The following ANKRD44 variants were observed in gnomAD, a reference collection of about 807,000 sequenced individuals.
ANKRD44 encodes ankyrin repeat domain 44.
Under a neutral mutation model 116.0 loss-of-function variants are expected in ANKRD44, and 35 were observed. The observed-to-expected ratio is 0.30, with a 90% confidence interval of 0.23 to 0.40. The LOEUF (loss-of-function observed/expected upper bound fraction) is 0.40, where lower values mean the gene tolerates loss of function less well. Ranked by LOEUF, ANKRD44 falls within the 10% of genes least tolerant of loss-of-function variation. The pLI is 1.00. For missense variants in ANKRD44, 1,014 were observed against 1,242.6 expected, an observed-to-expected ratio of 0.82 and a Z score of 2.77; for synonymous variants, 435 against 461.8, an observed-to-expected ratio of 0.94 and a Z score of 0.74.
chr2:197,252,975 C>G (rs1342015649), intron 1 of ANKRD44, among the ~76,000 whole-genome samples: 1 of 152,178 alleles, frequency 6.6e-6, no homozygotes, highest in Non-Finnish European at 1.5e-5. Flanking sequence ...TGACCGTAGG[C>G]ACAGATCACG....
At chr2:197,225,362 G>T (rs1405757438) in intron 1 of ANKRD44, among the ~76,000 whole-genome samples, 1 of 152,004 alleles carries the variant, frequency 6.6e-6, no homozygotes, top group Admixed American at 6.6e-5. Context: ...TGTTGTTGTT[G>T]AGACTGAGTC....
chr2:197,161,349 C>T (rs1249241486), intron 2 of ANKRD44, among the ~76,000 whole-genome samples: 1 of 152,088 alleles, frequency 6.6e-6, no homozygotes, highest in Non-Finnish European at 1.5e-5. Flanking sequence ...CCTTCATAAA[C>T]TTGGGCTGTA....
chr2:197,033,797 T>C (rs567599754), intron 16 of ANKRD44, among the ~76,000 whole-genome samples: 9 of 152,242 alleles, frequency 5.9e-5, no homozygotes, highest in Non-Finnish European at 1.0e-4. Context: ...CTGGAGATGT[T>C]GACTGGAATC....
intron 9 of ANKRD44, among the ~76,000 whole-genome samples, chr2:197,106,815 T>A (rs1236812855): frequency 1.3e-5 from 2 of 149,412 alleles, no homozygotes; most frequent in African/African-American, 4.9e-5. Flanking sequence ...TATTTTTTTT[T>A]TTTTTTCAGG....
chr2:197,020,765 C>T (rs1294233635), intron 17 of ANKRD44, among the ~76,000 whole-genome samples: 1 of 151,578 alleles, frequency 6.6e-6, no homozygotes, highest in Non-Finnish European at 1.5e-5. Flanking sequence ...TATTAGGTAA[C>T]AATTATTTCT....
intron 2 of ANKRD44, among the ~76,000 whole-genome samples, chr2:197,156,935 C>T (rs1340075428): frequency 2.0e-5 from 3 of 152,054 alleles, no homozygotes; most frequent in Non-Finnish European, 2.9e-5. Flanking sequence ...AGTTGCCTGA[C>T]GGGCCTAAGG....
Position 197,133,503 on chromosome 2 carries a change from G to A in ANKRD44, c.261+3089C>T, listed in dbSNP as rs118075488. 4.8e-3 allele frequency among the ~76,000 whole-genome samples: 727 copies of A among 152,270 alleles called. 15 individuals carry two copies. The highest frequency in any genetic ancestry group is 0.039 in the Admixed American group (593 of 15,294). On this transcript the variant is annotated intron_variant, in intron 4 of 27. Coordinates refer to ENST00000282272, the MANE Select transcript of ANKRD44 (RefSeq NM_001195144.2). ...CTTCCCTGGTTGAACCTCAAACCCTGAGAGATCAATTATCTACATTTTATA... is the reference window on the plus strand; with the variant it reads ...CTTCCCTGGTTGAACCTCAAACCCTAAGAGATCAATTATCTACATTTTATA...
intron 3 of ANKRD44, among the ~76,000 whole-genome samples, chr2:197,142,946 C>T (rs1173143723): frequency 6.6e-6 from 1 of 150,776 alleles, no homozygotes; most frequent in African/African-American, 2.4e-5. Context: ...TCGAGACCAG[C>T]CTGATCAACC....
chr2:197,163,066 T>C (rs1438783770), intron 2 of ANKRD44, among the ~76,000 whole-genome samples: 2 of 152,210 alleles, frequency 1.3e-5, no homozygotes, highest in Non-Finnish European at 2.9e-5. Flanking sequence ...TGAGTGAAGA[T>C]AGCAACCACC....
chr2:197,208,928 A>T (rs1037236697), intron 1 of ANKRD44, among the ~76,000 whole-genome samples: 1 of 152,222 alleles, frequency 6.6e-6, no homozygotes, highest in African/African-American at 2.4e-5. Context: ...TCTCCAGGCT[A>T]TTTGTCTGCC....
chr2:197,000,509 T>C lies in ANKRD44; in HGVS notation c.2436-7A>G. ...ATTCCCATGATCATTGATTCTAAAA[T>C]GAAAATGGGTTTTAATGTAACAATC... is the stretch of plus-strand genomic sequence containing the variant. On this transcript the variant is annotated splice_polypyrimidine_tract_variant and splice_region_variant and intron_variant, in intron 22 of 27. Coordinates refer to ENST00000282272, the MANE Select transcript of ANKRD44 (RefSeq NM_001195144.2). 6.2e-7 allele frequency: 1 copy of C among 1,611,752 alleles called. No individual in the cohort carries two copies. Among genetic ancestry groups the C allele is most frequent in the Non-Finnish European group, 8.5e-7 (1 of 1,177,866 alleles).
intron 21 of ANKRD44, 32 bp downstream of exon 21, chr2:197,005,662 T>C: frequency 6.2e-7 from 1 of 1,605,648 alleles, no homozygotes; most frequent in South Asian, 1.1e-5. Context: ...GTAGGAAGTC[T>C]AGTGGAATCA....
chr2:197,030,458 T>C (rs1347810437), intron 16 of ANKRD44, among the ~76,000 whole-genome samples: 1 of 151,842 alleles, frequency 6.6e-6, no homozygotes, highest in African/African-American at 2.4e-5. Context: ...TTTTTGGCCG[T>C]GTGGATCAAG....
chr2:197,178,638 A>G (rs961532602), intron 2 of ANKRD44, among the ~76,000 whole-genome samples: 1 of 152,178 alleles, frequency 6.6e-6, no homozygotes, highest in African/African-American at 2.4e-5. Flanking sequence ...ATAGCCAAAA[A>G]ATATATTAGA....
intron 1 of ANKRD44, among the ~76,000 whole-genome samples, chr2:197,219,388 C>T (rs2081533015): frequency 6.6e-6 from 1 of 152,040 alleles, no homozygotes; most frequent in African/African-American, 2.4e-5. Flanking sequence ...TTTTTTAAAA[C>T]CATTTTCAAG....
chr2:197,029,949 C>A lies in ANKRD44; in HGVS notation c.1651-4682G>T. 3 of 187,022 alleles carry A rather than the reference C, an allele frequency of 1.6e-5. No individual in the cohort carries two copies. In the South Asian group the frequency reaches 3.3e-4, roughly 20 times the overall value. 11.6% of individuals were successfully genotyped at this position (187,022 alleles called of 1,614,324 possible). A position where few individuals can be genotyped will look rare whatever the true frequency, so the allele number is the denominator to read the frequency against. Reference sequence around the variant, plus strand: ...TGGCATATCATTTTTGGGTTGTGTTCATTCTACAGTGCCAATGGCACCAGG... The same window carrying A: ...TGGCATATCATTTTTGGGTTGTGTTAATTCTACAGTGCCAATGGCACCAGG... On this transcript the variant is annotated intron_variant, in intron 16 of 27. Transcript: ENST00000282272.
At chr2:196,991,690 C>T (rs536334581) in intron 27 of ANKRD44, among the ~76,000 whole-genome samples, 1 of 152,168 alleles carries the variant, frequency 6.6e-6, no homozygotes, top group South Asian at 2.1e-4. Context: ...AAGCAATCCT[C>T]CCACCTCAGC....
chr2:197,095,739 C>T (rs1391221670), intron 10 of ANKRD44, among the ~76,000 whole-genome samples: 1 of 152,100 alleles, frequency 6.6e-6, no homozygotes, highest in African/African-American at 2.4e-5. Context: ...ACTTACTTCA[C>T]CTGCAAGATG....
chr2:197,196,985 CTTGTTATAGCAACCATTCTAAAA>C (rs999899087), intron 1 of ANKRD44, among the ~76,000 whole-genome samples: 3 of 152,012 alleles, frequency 2.0e-5, no homozygotes, highest in East Asian at 1.9e-4. Context: ...CCTAAGGCAT[CTTGTTATAGCAACCATTCTAAAA>C]TTGTTATAGC....
Sources: gnomAD v4.1 joint callset for allele counts (sites outside exome capture counted in the v4.1 genomes callset) on GRCh38, gnomAD v4.1.1 for gene constraint, MANE v1.5 for transcripts, NCBI Gene and HGNC (gene_info 2026-07-23, HGNC 2026-07-21) for gene names.